The following DGKH variants were observed in gnomAD, a reference collection of about 807,000 sequenced individuals.
DGKH encodes the protein DAG kinase eta.
Under a neutral mutation model 159.3 loss-of-function variants are expected in DGKH, and 90 were observed. The ratio of observed to expected loss-of-function variants is 0.57; its 90% CI spans 0.48 to 0.67. The LOEUF is 0.67. Among genes scored for constraint, DGKH ranks in the 30% least tolerant of loss-of-function variants. The probability of loss-of-function intolerance (pLI) is 0.00; values close to 1 mark genes in which losing one functional copy is unlikely to be tolerated. For missense variants in DGKH, 1,181 were observed against 1,506.1 expected (o/e 0.78, Z 3.57); for synonymous variants, 536 against 553.8 (o/e 0.97, Z 0.45).
At chr13:42,058,748 A>G (rs775088990) in intron 1 of DGKH, among the ~76,000 whole-genome samples, 8 of 152,164 alleles carry the variant, frequency 5.3e-5, no homozygotes, top group Admixed American at 4.6e-4. Flanking sequence ...TACAGGTGAG[A>G]GTGATGTCTG....
chr13:42,143,323 C>T (rs1955622705), intron 3 of DGKH, among the ~76,000 whole-genome samples: 1 of 152,138 alleles, frequency 6.6e-6, no homozygotes, highest in Non-Finnish European at 1.5e-5. Context: ...GGGATTTTTG[C>T]ATTGATGTTC....
At chr13:42,175,418 T>C (rs775357962) in intron 12 of DGKH, among the ~76,000 whole-genome samples, 5 of 152,222 alleles carry the variant, frequency 3.3e-5, no homozygotes, top group South Asian at 2.1e-4. Flanking sequence ...TTTTTAGTTA[T>C]GTGATTCCAT....
chr13:42,175,470 C>T (rs9533022), intron 12 of DGKH, among the ~76,000 whole-genome samples: 75,773 of 151,952 alleles, frequency 0.5, 19,549 homozygotes, highest in Non-Finnish European at 0.58. Context: ...TTTATCTTAA[C>T]AGTATTTTTG....
chr13:42,108,048 C>A (rs1179220006), intron 1 of DGKH, among the ~76,000 whole-genome samples: 1 of 152,152 alleles, frequency 6.6e-6, no homozygotes, highest in Non-Finnish European at 1.5e-5. Context: ...AAAGAAGAGT[C>A]ATTTTTCACA....
intron 1 of DGKH, among the ~76,000 whole-genome samples, chr13:42,095,820 C>T (rs1364244882): frequency 1.3e-5 from 2 of 152,198 alleles, no homozygotes; most frequent in Non-Finnish European, 2.9e-5. Context: ...GACTTGTTCA[C>T]TAGTTGGGAA....
chr13:42,078,608 G>A (rs1183204661), intron 1 of DGKH, among the ~76,000 whole-genome samples: 2 of 152,104 alleles, frequency 1.3e-5, no homozygotes, highest in African/African-American at 4.8e-5. Context: ...GAGGGGTTGG[G>A]CGGGGGACAT....
At chr13:42,097,766 G>T (rs1594023250) in intron 1 of DGKH, among the ~76,000 whole-genome samples, 1 of 152,288 alleles carries the variant, frequency 6.6e-6, no homozygotes, top group East Asian at 1.9e-4. Context: ...CTTTCCAGAG[G>T]TGAAGAAATA....
intron 1 of DGKH, among the ~76,000 whole-genome samples, chr13:42,123,035 T>C (rs1217454420): frequency 6.6e-6 from 1 of 152,182 alleles, no homozygotes; most frequent in Non-Finnish European, 1.5e-5. Flanking sequence ...TTTAGAAAAG[T>C]CAGATTGGAT....
chr13:42,075,683 CTT>C (rs1034274845), intron 1 of DGKH, among the ~76,000 whole-genome samples: 3 of 152,146 alleles, frequency 2.0e-5, no homozygotes, highest in Admixed American at 2.0e-4. Context: ...GGTGGGGACT[CTT>C]TTAAGCCTCA....
chr13:42,054,747 C>A (rs1029362066), intron 1 of DGKH, among the ~76,000 whole-genome samples: 1 of 151,974 alleles, frequency 6.6e-6, no homozygotes, highest in Non-Finnish European at 1.5e-5. Context: ...AATGTTCTCA[C>A]CCACAAAAAA....
At chr13:42,124,299 A>G (rs1955129347) in intron 1 of DGKH, among the ~76,000 whole-genome samples, 1 of 83,760 alleles carries the variant, frequency 1.2e-5, no homozygotes, top group Admixed American at 9.9e-5. Context: ...CTCAGCCTCA[A>G]TAGATTTAAA....
intron 3 of DGKH, chr13:42,140,763 T>G (rs1025013041): frequency 6.6e-6 from 1 of 152,132 alleles, no homozygotes; most frequent in African/African-American, 2.4e-5. Flanking sequence ...TGTACTCATT[T>G]AGATTGACTC....
At chr13:42,250,276 C>T (rs981951555) in intron 29 of DGKH, among the ~76,000 whole-genome samples, 1 of 151,358 alleles carries the variant, frequency 6.6e-6, no homozygotes, top group Admixed American at 6.6e-5. Context: ...GCCACTCCAG[C>T]TCCTATTTAA....
chr13:42,256,584 A>G (rs1259379615), downstream of DGKH: 1 of 650,100 alleles, frequency 1.5e-6, no homozygotes, highest in Admixed American at 2.6e-5. Context: ...TTTTTAAAAA[A>G]CTGATAAATC....
chr13:42,205,824 G>GT (rs549446799), intron 20 of DGKH, among the ~76,000 whole-genome samples: 208 of 152,124 alleles, frequency 1.4e-3, no homozygotes, highest in African/African-American at 4.7e-3. Context: ...TTAAAAATCA[G>GT]TTTTTTGTAA....
At chr13:42,172,716 G>A (rs1956493374) in intron 11 of DGKH, among the ~76,000 whole-genome samples, 1 of 151,832 alleles carries the variant, frequency 6.6e-6, no homozygotes, top group Non-Finnish European at 1.5e-5. Flanking sequence ...TGTTGTCATC[G>A]AGGCTGGAGT....
intron 29 of DGKH, among the ~76,000 whole-genome samples, chr13:42,223,769 AAT>A (rs76816455): frequency 3.3e-5 from 5 of 151,050 alleles, no homozygotes; most frequent in Non-Finnish European, 7.4e-5. Flanking sequence ...TCCAAAAATG[AAT>A]ATATATATAT....
At chr13:42,190,143 T>G (rs1327291655) in intron 15 of DGKH, among the ~76,000 whole-genome samples, 1 of 152,200 alleles carries the variant, frequency 6.6e-6, no homozygotes, top group African/African-American at 2.4e-5. Flanking sequence ...CTTTATAGAT[T>G]GTAACTTGTA....
At chr13:42,086,221 C>G (rs568851207) in intron 1 of DGKH, among the ~76,000 whole-genome samples, 7 of 152,212 alleles carry the variant, frequency 4.6e-5, no homozygotes, top group Admixed American at 4.6e-4. Context: ...CCCAGCAAAC[C>G]TTAAATTTCT....
Sources: allele counts gnomAD v4.1 joint callset (sites outside exome capture counted in the v4.1 genomes callset), GRCh38; gene constraint gnomAD v4.1.1; transcripts MANE v1.5; gene names NCBI Gene and HGNC (gene_info 2026-07-23, HGNC 2026-07-21).